Variants in MPZL1 observed in about 807,000 individuals in gnomAD.
MPZL1 encodes myelin protein zero-like protein 1.
In MPZL1, 16 loss-of-function variants were observed where a neutral mutation model predicts 29.3. That is an observed-to-expected ratio of 0.55 (90% CI 0.37 to 0.83). The LOEUF (loss-of-function observed/expected upper bound fraction) is 0.83. MPZL1 is among the 40% of genes least tolerant of loss of function. The pLI is 0.00. For synonymous variants in MPZL1, 143 were observed against 132.0 expected, an observed-to-expected ratio of 1.08 and a Z score of -0.57; for missense variants, 279 against 332.9, an observed-to-expected ratio of 0.84 and a Z score of 1.26.
intron 3 of MPZL1, among the ~76,000 whole-genome samples, chr1:167,772,958 G>A (rs1661283036): frequency 6.6e-6 from 1 of 152,214 alleles, no homozygotes; most frequent in Non-Finnish European, 1.5e-5. Context: ...TTGTTGGAGA[G>A]TAGATCCAGG....
At chr1:167,738,159 C>T (rs1372510428) in intron 1 of MPZL1, among the ~76,000 whole-genome samples, 1 of 152,090 alleles carries the variant, frequency 6.6e-6, no homozygotes, top group Non-Finnish European at 1.5e-5. Flanking sequence ...CTCCTGACCT[C>T]GTGATCCGCC....
intron 1 of MPZL1, among the ~76,000 whole-genome samples, chr1:167,756,555 T>C (rs1660873346): frequency 1.3e-5 from 2 of 151,744 alleles, no homozygotes; most frequent in Admixed American, 6.6e-5. Flanking sequence ...TCCAAGGTAG[T>C]GTCAGCATTC....
intron 5 of MPZL1, among the ~76,000 whole-genome samples, chr1:167,780,971 A>G (rs1661485200): frequency 1.3e-5 from 2 of 152,200 alleles, no homozygotes; most frequent in African/African-American, 4.8e-5. Context: ...TGGTAATAAT[A>G]TCAGAATAGG....
intron 1 of MPZL1, among the ~76,000 whole-genome samples, chr1:167,748,912 TATATC>T (rs571816194): frequency 2.6e-4 from 40 of 152,358 alleles, no homozygotes; most frequent in Admixed American, 2.5e-3. Flanking sequence ...CTTATGTTGA[TATATC>T]ATAGCTACTT....
chr1:167,774,437 G>T (rs1661321436), intron 4 of MPZL1: 1 of 152,610 alleles, frequency 6.6e-6, no homozygotes, highest in Admixed American at 6.5e-5. Flanking sequence ...GTTTTTAGGA[G>T]TGCTGTGTTT....
intron 1 of MPZL1, 168 bp from the exon 2 acceptor site, chr1:167,765,415 C>A: frequency 2.1e-6 from 1 of 483,136 alleles, no homozygotes; most frequent in Non-Finnish European, 3.7e-6. Flanking sequence ...GTTTATAGTG[C>A]TATTCTGATT....
chr1:167,738,967 G>T (rs2152869), intron 1 of MPZL1, among the ~76,000 whole-genome samples: 60,568 of 151,548 alleles, frequency 0.4, 14,730 homozygotes, highest in African/African-American at 0.7. Flanking sequence ...TTTTTTGAGA[G>T]AGGGTCTCAC....
intron 4 of MPZL1, among the ~76,000 whole-genome samples, chr1:167,774,386 G>A (rs1262966430): frequency 6.6e-6 from 1 of 152,186 alleles, no homozygotes; most frequent in African/African-American, 2.4e-5. Context: ...TCTTGCTGGT[G>A]GATGGTGGGA....
At chr1:167,787,513 A>G (rs758764821) in intron 5 of MPZL1, among the ~76,000 whole-genome samples, 8 of 152,204 alleles carry the variant, frequency 5.3e-5, no homozygotes, top group Non-Finnish European at 7.3e-5. Context: ...TGTGATAGCT[A>G]TTAAGATAAG....
At chr1:167,771,495 A>G (rs962720814) in intron 2 of MPZL1, among the ~76,000 whole-genome samples, 5 of 152,036 alleles carry the variant, frequency 3.3e-5, no homozygotes, top group Admixed American at 1.3e-4. Context: ...CCCGTTCTCA[A>G]TGGTCGCTGT....
chr1:167,759,083 A>C (rs1020877923), intron 1 of MPZL1, among the ~76,000 whole-genome samples: 2 of 152,210 alleles, frequency 1.3e-5, no homozygotes, highest in African/African-American at 4.8e-5. Flanking sequence ...TTTTAAATCC[A>C]TCTATAAGTT....
chr1:167,783,863 T>TA lies in MPZL1; in HGVS notation c.709-3948dup, dbSNP rs879374396. Among the ~76,000 whole-genome samples, 245 of 151,254 alleles carry TA rather than the reference T, an allele frequency of 1.6e-3. 1 individual carries two copies. The highest frequency in any genetic ancestry group is 4.4e-3 in the African/African-American group (181 of 41,300). ...ACTTAAAAAACAGTGGAATAAATACTAAAAAAAAAGGTGTTCTGTCAGTAG... is the reference window on the plus strand; with the variant it reads ...ACTTAAAAAACAGTGGAATAAATACTAAAAAAAAAAGGTGTTCTGTCAGTAG... On this transcript the variant is annotated intron_variant, in intron 5 of 5. Transcript: ENST00000359523.
chr1:167,753,058 C>T (rs920694125), intron 1 of MPZL1, among the ~76,000 whole-genome samples: 16 of 152,088 alleles, frequency 1.1e-4, no homozygotes, highest in Admixed American at 4.6e-4. Flanking sequence ...GGTGTGTCTT[C>T]GGTAGACTAC....
chr1:167,729,364 T>C (rs1244369228), intron 1 of MPZL1, among the ~76,000 whole-genome samples: 16 of 152,148 alleles, frequency 1.1e-4, no homozygotes, highest in Non-Finnish European at 1.0e-4. Context: ...GTTATATACA[T>C]TTAACATAAT....
chr1:167,739,285 A>G (rs1483325448), intron 1 of MPZL1, among the ~76,000 whole-genome samples: 2 of 66,684 alleles, frequency 3.0e-5, no homozygotes, highest in Non-Finnish European at 6.1e-5. Flanking sequence ...ATATATACAT[A>G]TATATATATA....
Position 167,773,238 on chromosome 1 carries a change from A to G in MPZL1, c.475A>G (p.Asn159Asp). Residue 159 changes from asparagine (N) to aspartate (D), a missense_variant and splice_region_variant, in exon 4 of 6, where the codon AAT becomes GAT. Coordinates refer to ENST00000359523, the MANE Select transcript of MPZL1 (RefSeq NM_003953.6). ...HIRLYVVEKE[N>D]LPVFPVWVVV... The stretch of plus-strand genomic sequence containing the variant: ...ACTATTTTGTTCTTTCTCTCTAGAG[A>G]ATTTGCCTGTGTTTCCAGTTTGGGT... The G allele has an allele frequency of 6.2e-7, 1 of 1,612,330 alleles. No individual in the cohort carries two copies. Among genetic ancestry groups the G allele is most frequent in the South Asian group, 1.1e-5 (1 of 90,862 alleles).
intron 1 of MPZL1, among the ~76,000 whole-genome samples, chr1:167,744,173 A>G (rs542667887): frequency 6.6e-6 from 1 of 152,218 alleles, no homozygotes; most frequent in East Asian, 1.9e-4. Flanking sequence ...ACTTAAAAGT[A>G]TGAGAAACTG....
At position 167,788,142 on chromosome 1, in the gene MPZL1, G is replaced by T; in HGVS notation, c.*221G>T. 1 of 485,322 alleles carries T rather than the reference G, an allele frequency of 2.1e-6. No homozygotes were observed. The highest frequency in any genetic ancestry group is 3.3e-5 in the East Asian group (1 of 30,160). 30.1% of individuals were successfully genotyped at this position (485,322 alleles called of 1,614,324 possible). A position where few individuals can be genotyped will look rare whatever the true frequency, so the allele number is the denominator to read the frequency against. ...GTGTTGCATGATGAAAAGATGGTAT[G>T]ATTCTACATATGTACCCATTGTCTT... is the stretch of plus-strand genomic sequence containing the variant. On this transcript the variant is annotated 3_prime_UTR_variant, in exon 6 of 6. Coordinates refer to ENST00000359523, the MANE Select transcript of MPZL1 (RefSeq NM_003953.6).
chr1:167,775,516 T>G (rs951077959), intron 4 of MPZL1, among the ~76,000 whole-genome samples: 1 of 152,190 alleles, frequency 6.6e-6, no homozygotes, highest in African/African-American at 2.4e-5. Context: ...CATGACTTCC[T>G]GAGTTTTTGG....
Sources: allele counts gnomAD v4.1 joint callset (sites outside exome capture counted in the v4.1 genomes callset), GRCh38; gene constraint gnomAD v4.1.1; transcripts MANE v1.5; gene names NCBI Gene and HGNC (gene_info 2026-07-23, HGNC 2026-07-21).